The following TMIGD3 variants were observed in gnomAD, a reference collection of about 807,000 sequenced individuals.
TMIGD3 encodes the protein transmembrane and immunoglobulin domain containing 3, also known as AD026 protein (AD026).
Under a neutral mutation model 28.1 loss-of-function variants are expected in TMIGD3, and 21 were observed. The ratio of observed to expected loss-of-function variants is 0.75; its 90% CI spans 0.53 to 1.08. TMIGD3 has a LOEUF of 1.08. Among genes scored for constraint, TMIGD3 ranks in the 50% least tolerant of loss-of-function variants. The pLI is 0.00. For missense variants in TMIGD3, 416 were observed against 435.6 expected, an observed-to-expected ratio of 0.96 and a Z score of 0.40; for synonymous variants, 151 against 162.1, an observed-to-expected ratio of 0.93 and a Z score of 0.52.
At chr1:111,533,009 A>G (rs897046218) in intron 1 of TMIGD3, among the ~76,000 whole-genome samples, 1 of 152,140 alleles carries the variant, frequency 6.6e-6, no homozygotes, top group East Asian at 1.9e-4. Context: ...CCTTTTTCAA[A>G]GACAAGGAGA....
intron 1 of TMIGD3, among the ~76,000 whole-genome samples, chr1:111,526,188 CCA>C (rs1656254731): frequency 6.6e-6 from 1 of 152,138 alleles, no homozygotes; most frequent in Admixed American, 6.5e-5. Flanking sequence ...TACCTCCCCA[CCA>C]CACACACAAT....
chr1:111,493,527 T>C (rs1285124550), intron 1 of TMIGD3, among the ~76,000 whole-genome samples: 2 of 152,182 alleles, frequency 1.3e-5, no homozygotes, highest in African/African-American at 2.4e-5. Context: ...GCCTGTAGAA[T>C]TGTGAGCCAA....
At chr1:111,522,625 T>C (rs1349735140) in intron 1 of TMIGD3, among the ~76,000 whole-genome samples, 1 of 151,778 alleles carries the variant, frequency 6.6e-6, no homozygotes, top group Admixed American at 6.6e-5. Context: ...CAAGCAGTTC[T>C]CCTCCCTCAG....
intron 1 of TMIGD3, among the ~76,000 whole-genome samples, chr1:111,512,074 C>A (rs929927231): frequency 1.3e-5 from 2 of 152,218 alleles, no homozygotes; most frequent in Non-Finnish European, 2.9e-5. Context: ...CACTCTGTCC[C>A]CGTTTTCTGA....
At chr1:111,542,356 A>G in intron 1 of TMIGD3, 5 of 347,858 alleles carry the variant, frequency 1.4e-5, no homozygotes, top group South Asian at 9.3e-5. Flanking sequence ...CACGTGGGTG[A>G]AGGACTGTGC....
chr1:111,497,905 C>T (rs932515509), intron 1 of TMIGD3, among the ~76,000 whole-genome samples: 5 of 152,076 alleles, frequency 3.3e-5, no homozygotes, highest in African/African-American at 7.2e-5. Flanking sequence ...AAGCATGGTG[C>T]GGGGATTACC....
intron 1 of TMIGD3, among the ~76,000 whole-genome samples, chr1:111,536,882 A>G (rs1656658304): frequency 6.6e-6 from 1 of 152,088 alleles, no homozygotes; most frequent in South Asian, 2.1e-4. Flanking sequence ...TGGTGCTGCA[A>G]GAACTACATG....
At chr1:111,552,337 C>T (rs1020149727) in intron 1 of TMIGD3, among the ~76,000 whole-genome samples, 4 of 152,142 alleles carry the variant, frequency 2.6e-5, no homozygotes, top group Admixed American at 6.5e-5. Context: ...AGAGATGGAA[C>T]GAAGGCAAGT....
chr1:111,549,844 G>A (rs928341551), intron 1 of TMIGD3, among the ~76,000 whole-genome samples: 1 of 151,988 alleles, frequency 6.6e-6, no homozygotes. Flanking sequence ...GTAGAGACAG[G>A]GTGTTGCTAT....
intron 1 of TMIGD3, among the ~76,000 whole-genome samples, chr1:111,495,451 C>T (rs186113162): frequency 2.6e-5 from 4 of 152,022 alleles, no homozygotes; most frequent in East Asian, 1.9e-4. Context: ...ATTATGAGAA[C>T]GTCAAAAAAT....
intron 1 of TMIGD3, chr1:111,500,972 C>G (rs186780055): frequency 1.9e-4 from 43 of 229,542 alleles, no homozygotes; most frequent in African/African-American, 7.3e-4. Flanking sequence ...CAGTTTAAGT[C>G]CCCCTTGAAC....
chr1:111,554,085 C>A (rs921269292), intron 1 of TMIGD3, among the ~76,000 whole-genome samples: 13 of 152,342 alleles, frequency 8.5e-5, no homozygotes, highest in African/African-American at 3.1e-4. Flanking sequence ...AGATCCCCAC[C>A]ACTTATTAGC....
chr1:111,491,485 C>T (rs1571402546), intron 1 of TMIGD3, among the ~76,000 whole-genome samples: 1 of 152,230 alleles, frequency 6.6e-6, no homozygotes, highest in East Asian at 1.9e-4. Context: ...CTGGGTGCTA[C>T]TTATCACATC....
At position 111,518,397 on chromosome 1, in the gene TMIGD3, T is replaced by C. The variant is rs557316600; in HGVS notation, c.108-27635A>G. Among the ~76,000 whole-genome samples, 12 of 152,358 alleles carry C rather than the reference T, an allele frequency of 7.9e-5. 1 individual carries two copies. The highest frequency in any genetic ancestry group is 2.9e-4 in the African/African-American group (12 of 41,576). ...TGGATAACTCTTTGTTGTGAGGAGC[T>C]GAATGTGCACTGTAGGATGTTTAGC... On this transcript the variant is annotated intron_variant, in intron 1 of 5. Transcript: ENST00000369717.
intron 1 of TMIGD3, among the ~76,000 whole-genome samples, chr1:111,527,398 C>G (rs1184749421): frequency 6.6e-6 from 1 of 152,170 alleles, no homozygotes; most frequent in Non-Finnish European, 1.5e-5. Context: ...GTTTATTTAT[C>G]TATTCACCTA....
chr1:111,524,167 C>A (rs1454968786), intron 1 of TMIGD3, among the ~76,000 whole-genome samples: 1 of 149,964 alleles, frequency 6.7e-6, no homozygotes, highest in Non-Finnish European at 1.5e-5. Flanking sequence ...GTAGCTGGGA[C>A]TACAGGCGCC....
intron 1 of TMIGD3, among the ~76,000 whole-genome samples, chr1:111,527,388 GTTTA>G (rs1477516368): frequency 1.1e-4 from 17 of 152,076 alleles, no homozygotes; most frequent in Non-Finnish European, 1.3e-4. Flanking sequence ...ATGTACCACA[GTTTA>G]TTTATCTATT....
At chr1:111,518,600 G>A (rs982919376) in intron 1 of TMIGD3, among the ~76,000 whole-genome samples, 8 of 152,180 alleles carry the variant, frequency 5.3e-5, no homozygotes, top group African/African-American at 1.4e-4. Context: ...GAGGCTAAGC[G>A]ATTTTCCCAA....
At chr1:111,487,212 C>T (rs531987940) in intron 3 of TMIGD3, among the ~76,000 whole-genome samples, 93 of 152,166 alleles carry the variant, frequency 6.1e-4, no homozygotes, top group Non-Finnish European at 1.2e-3. Flanking sequence ...CAGGTGGGAA[C>T]GTTCTCTTGT....
Sources: allele counts gnomAD v4.1 joint callset (sites outside exome capture counted in the v4.1 genomes callset), GRCh38; gene constraint gnomAD v4.1.1; transcripts MANE v1.5; gene names NCBI Gene and HGNC (gene_info 2026-07-23, HGNC 2026-07-21).